LRPAP1: variants seen among roughly 807,000 people sequenced by gnomAD.
The protein encoded by LRPAP1 is alpha-2-macroglobulin receptor-associated protein.
Under a neutral mutation model 39.9 loss-of-function variants are expected in LRPAP1, and 41 were observed. The observed-to-expected ratio is 1.03, with a 90% CI of 0.80 to 1.33. LRPAP1 has a LOEUF of 1.33. LRPAP1 is among the 40% of genes most tolerant of loss of function. The pLI is 0.00. For synonymous variants in LRPAP1, 263 were observed against 212.7 expected (o/e 1.24, Z -2.06); for missense variants, 565 against 482.3 (o/e 1.17, Z -1.61).
rs752165185 is a variant in LRPAP1 at position 3,512,980 on chromosome 4, T to C, written c.1068A>G (p.Glu356=). The C allele has an allele frequency of 3.7e-6, 6 of 1,610,974 alleles. No individual in the cohort carries two copies. Among genetic ancestry groups the C allele is most frequent in the South Asian group, 1.1e-5 (1 of 90,108 alleles). Residue 356 remains glutamate (E), a synonymous_variant, in exon 8 of 8, where the codon GAA becomes GAG. Coordinates refer to ENST00000650182, the MANE Select transcript of LRPAP1 (RefSeq NM_002337.4). ...SGRISRARHN[E]L is the part of the protein sequence containing the mutation. ...GCTGGGCTCCCCAATGCCTTCAGAG[T>C]TCGTTGTGCCGAGCTCTGGAGATCC...
At chr4:3,517,846 G>A (rs1053361763) in intron 5 of LRPAP1, 188 bp downstream of exon 5, 1 of 596,084 alleles carries the variant, frequency 1.7e-6, no homozygotes, top group Non-Finnish European at 2.7e-6. Flanking sequence ...GACGGCGAGT[G>A]ACCTTCACGG....
At chr4:3,522,791 GA>G (rs1255852600) in intron 2 of LRPAP1, among the ~76,000 whole-genome samples, 3 of 152,140 alleles carry the variant, frequency 2.0e-5, no homozygotes, top group Non-Finnish European at 2.9e-5. Flanking sequence ...TGGGGGTGAG[GA>G]CAGGAGCGAA....
At position 3,518,883 on chromosome 4, in the gene LRPAP1, T is replaced by C; in HGVS notation, c.580A>G (p.Ser194Gly). 3 of 1,607,678 alleles carry C rather than the reference T, an allele frequency of 1.9e-6. No homozygotes were observed. The highest frequency in any genetic ancestry group is 2.5e-6 in the Non-Finnish European group (3 of 1,177,748). ...HEYNVLLETLSRTEEIHENVI... is the reference protein window; with the variant it reads ...HEYNVLLETLGRTEEIHENVI... ...GGGCGGGGGGCACCTTCGGTCCTGCTCAGGGTCTCCAGCAGGACGTTGTAC... is the reference window on the plus strand; with the variant it reads ...GGGCGGGGGGCACCTTCGGTCCTGCCCAGGGTCTCCAGCAGGACGTTGTAC... Residue 194 changes from serine to glycine, a missense_variant, in exon 4 of 8, where the codon AGC becomes GGC. Physicochemically the swap from Ser to Gly is moderately conservative, Grantham distance 56. Transcript: ENST00000650182.
At position 3,505,504 on chromosome 4, in the gene LRPAP1, G is replaced by A. The variant is rs1007154117; in HGVS notation, c.*7470C>T. ...GCGCAGCTGCCTGTGCCTGGCAGGGGCCTCCTGCGGCCGGAACGTCCCCTG... is the reference window on the plus strand; with the variant it reads ...GCGCAGCTGCCTGTGCCTGGCAGGGACCTCCTGCGGCCGGAACGTCCCCTG... On this transcript the variant is annotated 3_prime_UTR_variant, in exon 8 of 8. Transcript: ENST00000650182. 2.6e-5 allele frequency among the ~76,000 whole-genome samples: 4 copies of A among 152,214 alleles called. No individual in the cohort carries two copies. Among genetic ancestry groups the A allele is most frequent in the Admixed American group, 2.0e-4 (3 of 15,286 alleles).
rs954225480 is a variant in LRPAP1, at chr4:3,516,247, C to A, written c.752-49G>T. 2.8e-6 allele frequency: 4 copies of A among 1,449,480 alleles called. No individual in the cohort carries two copies. In the African/African-American group the frequency reaches 5.6e-5, roughly 20 times the overall value. 89.8% of individuals were successfully genotyped at this position (1,449,480 alleles called of 1,614,324 possible). On this transcript the variant is annotated intron_variant, in intron 5 of 7. Transcript: ENST00000650182. ...CCTCAGCAGCACCCGGGGTGCACAC[C>A]ACAGCCAGCCCCGCGGCAACCACGC...
rs1483121642 is a variant in LRPAP1 at position 3,503,806 on chromosome 4, C to T, written c.*9168G>A. On this transcript the variant is annotated 3_prime_UTR_variant, in exon 8 of 8. Transcript: ENST00000650182. ...TAGGGTACCTAGATGAACCATCACACTGAAAACACATGCTGCAGTAAATAC... is the reference window on the plus strand; with the variant it reads ...TAGGGTACCTAGATGAACCATCACATTGAAAACACATGCTGCAGTAAATAC... The T allele has an allele frequency of 2.0e-5, 3 of 152,272 alleles. No individual in the cohort carries two copies. The highest frequency in any genetic ancestry group is 1.9e-4 in the East Asian group (1 of 5,200). 9.4% of individuals were successfully genotyped at this position (152,272 alleles called of 1,614,324 possible). A position where few individuals can be genotyped will look rare whatever the true frequency, so the allele number is the denominator to read the frequency against.
chr4:3,523,128 G>A (rs904440590), intron 2 of LRPAP1, among the ~76,000 whole-genome samples: 5 of 152,162 alleles, frequency 3.3e-5, no homozygotes, highest in Admixed American at 1.3e-4. Flanking sequence ...CCACAGACCT[G>A]GACACCCTGC....
At position 3,509,252 on chromosome 4, in the gene LRPAP1, A is replaced by G. The variant is rs1286935518; in HGVS notation, c.*3722T>C. 2 of 149,692 alleles carry G rather than the reference A, an allele frequency of 1.3e-5. No homozygotes were observed. Among genetic ancestry groups the G allele is most frequent in the African/African-American group, 4.9e-5 (2 of 40,484 alleles). 9.3% of individuals were successfully genotyped at this position (149,692 alleles called of 1,614,324 possible). A position where few individuals can be genotyped will look rare whatever the true frequency, so the allele number is the denominator to read the frequency against. On this transcript the variant is annotated 3_prime_UTR_variant, in exon 8 of 8. Transcript: ENST00000650182. The stretch of plus-strand genomic sequence containing the variant: ...GTTGAGACGCCGACTGGAGTCACAC[A>G]CGGCAGTCAACGCGTGGACACCGGA...
At chr4:3,528,530 C>T (rs1730145841) in intron 1 of LRPAP1, among the ~76,000 whole-genome samples, 1 of 152,150 alleles carries the variant, frequency 6.6e-6, no homozygotes, top group Non-Finnish European at 1.5e-5. Flanking sequence ...GCACACACCG[C>T]ACAGTTCAGG....
In LRPAP1 at chr4:3,504,228, C is replaced by T. The variant is rs1431808077; in HGVS notation, c.*8746G>A. On this transcript the variant is annotated 3_prime_UTR_variant, in exon 8 of 8. Coordinates refer to ENST00000650182, the MANE Select transcript of LRPAP1 (RefSeq NM_002337.4). Reference sequence around the variant, plus strand: ...TGTGTGGGTCAGAAAGCCTCAGCCCCAAACCCGGTCTCAGAGGCTTAAGAA... The same window carrying T: ...TGTGTGGGTCAGAAAGCCTCAGCCCTAAACCCGGTCTCAGAGGCTTAAGAA... 1.3e-5 allele frequency: 2 copies of T among 152,290 alleles called. No individual in the cohort carries two copies. The highest frequency in any genetic ancestry group is 4.8e-5 in the African/African-American group (2 of 41,472). The allele number at this position is 152,290 out of a possible 1,614,324, so 9.4% of individuals were successfully genotyped here.
rs1214193317 is a variant in LRPAP1, at chr4:3,511,811, C to G, written c.*1163G>C. On this transcript the variant is annotated 3_prime_UTR_variant, in exon 8 of 8. Transcript: ENST00000650182. ...GCCCAGAGCCGGACCCGAGCCTCTT[C>G]CAGGCTCAGACACGGGAAGGGAACC... The G allele has an allele frequency of 2.0e-5, 3 of 150,638 alleles. No homozygotes were observed. Among genetic ancestry groups the G allele is most frequent in the African/African-American group, 7.4e-5 (3 of 40,816 alleles). The allele number at this position is 150,638 out of a possible 1,614,324, so 9.3% of individuals were successfully genotyped here.
At chr4:3,518,427 A>G (rs562312582) in intron 4 of LRPAP1, among the ~76,000 whole-genome samples, 4 of 152,338 alleles carry the variant, frequency 2.6e-5, no homozygotes, top group Non-Finnish European at 5.9e-5. Flanking sequence ...TGGCGGTGAC[A>G]GCTGGGGCAC....
chr4:3,523,630 C>G (rs146918395), intron 2 of LRPAP1, among the ~76,000 whole-genome samples: 1 of 152,230 alleles, frequency 6.6e-6, no homozygotes, highest in Non-Finnish European at 1.5e-5. Context: ...CTGAGCCTGT[C>G]AAATGGGACG....
At chr4:3,521,420 C>G (rs558854366) in intron 2 of LRPAP1, among the ~76,000 whole-genome samples, 2 of 152,300 alleles carry the variant, frequency 1.3e-5, no homozygotes, top group South Asian at 4.1e-4. Context: ...CTACTCCCAG[C>G]GGGGCCTCCA....
At chr4:3,523,182 A>G (rs16844542) in intron 2 of LRPAP1, among the ~76,000 whole-genome samples, 6,716 of 152,184 alleles carry the variant, frequency 0.044, 187 homozygotes, top group Admixed American at 0.064. Flanking sequence ...TTCTTAGCCC[A>G]CTTCTGTGCC....
intron 6 of LRPAP1, 63 bp from the exon 7 acceptor site, chr4:3,514,991 C>G (rs1729649546): frequency 1.9e-6 from 3 of 1,571,866 alleles, no homozygotes; most frequent in Non-Finnish European, 2.6e-6. Context: ...TCTTGTGGTC[C>G]CGGGTGAACT....
At chr4:3,522,732 G>A (rs1194314268) in intron 2 of LRPAP1, among the ~76,000 whole-genome samples, 3 of 150,022 alleles carry the variant, frequency 2.0e-5, no homozygotes, top group South Asian at 2.1e-4. Context: ...GAGGACGGAC[G>A]CCGCCCCACA....
In LRPAP1 at chr4:3,505,132, GGGCT is replaced by G. The variant is rs1729314614; in HGVS notation, c.*7838_*7841del. Among the ~76,000 whole-genome samples, 1 of 152,198 alleles carries G rather than the reference GGGCT, an allele frequency of 6.6e-6. No homozygotes were observed. The highest frequency in any genetic ancestry group is 1.5e-5 in the Non-Finnish European group (1 of 68,028). On this transcript the variant is annotated 3_prime_UTR_variant, in exon 8 of 8. Coordinates refer to ENST00000650182, the MANE Select transcript of LRPAP1 (RefSeq NM_002337.4). ...GTCCTGCCACGCACGCAGCCATAGT[GGGCT>G]GGCTAAGCTGCAGGTTGTGCCTGAG...
rs1468342783 is a variant in LRPAP1, at chr4:3,508,093, C to T, written c.*4881G>A. 2 of 152,182 alleles carry T rather than the reference C, an allele frequency of 1.3e-5. No individual in the cohort carries two copies. The highest frequency in any genetic ancestry group is 2.9e-5 in the Non-Finnish European group (2 of 68,054). 9.4% of individuals were successfully genotyped at this position (152,182 alleles called of 1,614,324 possible). On this transcript the variant is annotated 3_prime_UTR_variant, in exon 8 of 8. Coordinates refer to ENST00000650182, the MANE Select transcript of LRPAP1 (RefSeq NM_002337.4). ...TGATCTCAGCTCACTGCAACCTCCACCTCCTGAGTTCAAGTGATTCTCCTG... is the reference window on the plus strand; with the variant it reads ...TGATCTCAGCTCACTGCAACCTCCATCTCCTGAGTTCAAGTGATTCTCCTG...
Sources: gnomAD v4.1 joint callset for allele counts (sites outside exome capture counted in the v4.1 genomes callset) on GRCh38, gnomAD v4.1.1 for gene constraint, MANE v1.5 for transcripts, NCBI Gene and HGNC (gene_info 2026-07-23, HGNC 2026-07-21) for gene names.